Variants in RNGTT observed in about 807,000 individuals in gnomAD.
RNGTT encodes the protein RNA guanylyltransferase and 5'-phosphatase, also known as mRNA-capping enzyme.
In RNGTT, 33 loss-of-function variants were observed where a neutral mutation model predicts 79.3. The ratio of observed to expected loss-of-function variants is 0.42; its 90% confidence interval spans 0.32 to 0.56. The LOEUF (loss-of-function observed/expected upper bound fraction) is 0.56, where lower values mean the gene tolerates loss of function less well. RNGTT is among the 20% of genes least tolerant of loss of function. The pLI, the probability that RNGTT is intolerant of heterozygous loss-of-function variation, is 0.17. For missense variants in RNGTT, 497 were observed against 739.1 expected (o/e 0.67, Z 3.80); for synonymous variants, 222 against 235.9 (o/e 0.94, Z 0.54).
intron 1 of RNGTT, among the ~76,000 whole-genome samples, chr6:88,959,994 A>G (rs1254392463): frequency 6.6e-6 from 1 of 152,226 alleles, no homozygotes; most frequent in Admixed American, 6.5e-5. Flanking sequence ...TTTACTGAAG[A>G]TAATTCATGT....
chr6:88,824,329 A>T (rs1780586633), intron 11 of RNGTT, among the ~76,000 whole-genome samples: 1 of 152,220 alleles, frequency 6.6e-6, no homozygotes, highest in South Asian at 2.1e-4. Flanking sequence ...TACCGTAGGC[A>T]ACTCTAACAC....
rs201272969 is a variant in RNGTT at position 88,696,033 on chromosome 6, G to A, written c.1440-17614C>T. The stretch of plus-strand genomic sequence containing the variant: ...GAAACAGGGAGATGTTGATCAAAGC[G>A]TACAGTTTCAATTAGACAAGAAGAA... On this transcript the variant is annotated intron_variant, in intron 13 of 15. Coordinates refer to ENST00000369485, the MANE Select transcript of RNGTT (RefSeq NM_003800.5). Among the ~76,000 whole-genome samples the A allele has an allele frequency of 1.6e-4, 25 of 152,206 alleles. No individual in the cohort carries two copies. In the East Asian group the frequency reaches 3.9e-3, roughly 24 times the overall value.
chr6:88,643,908 C>A (rs1391747615), intron 14 of RNGTT, among the ~76,000 whole-genome samples: 1 of 152,104 alleles, frequency 6.6e-6, no homozygotes, highest in Non-Finnish European at 1.5e-5. Flanking sequence ...CAGGAAAGAT[C>A]TAAAATTGAC....
chr6:88,833,963 G>C (rs745550579), intron 11 of RNGTT, among the ~76,000 whole-genome samples: 160 of 152,332 alleles, frequency 1.1e-3, no homozygotes, highest in Non-Finnish European at 1.5e-3. Context: ...AGAAGTTGCA[G>C]TGAGCCGAGA....
At chr6:88,801,832 C>G (rs898793105) in intron 11 of RNGTT, among the ~76,000 whole-genome samples, 200 bp from the exon 12 acceptor site, 3 of 150,550 alleles carry the variant, frequency 2.0e-5, no homozygotes, top group Non-Finnish European at 3.0e-5. Context: ...GACACACACA[C>G]ACACACACAC....
At chr6:88,665,291 T>A (rs527898530) in intron 14 of RNGTT, among the ~76,000 whole-genome samples, 42 of 152,232 alleles carry the variant, frequency 2.8e-4, no homozygotes, top group African/African-American at 9.9e-4. Flanking sequence ...TCAGGGAAGT[T>A]AAGCCAGAGG....
intron 1 of RNGTT, among the ~76,000 whole-genome samples, chr6:88,942,174 T>A (rs1784871308): frequency 6.6e-6 from 1 of 152,170 alleles, no homozygotes; most frequent in East Asian, 1.9e-4. Flanking sequence ...GGCTTTATTC[T>A]ATATCTCAGG....
At chr6:88,657,382 G>A (rs1469067897) in intron 14 of RNGTT, among the ~76,000 whole-genome samples, 2 of 152,214 alleles carry the variant, frequency 1.3e-5, no homozygotes, top group African/African-American at 4.8e-5. Flanking sequence ...CTGGTCTCCA[G>A]CTTGAGCCCA....
At chr6:88,674,589 T>G (rs1180594077) in intron 14 of RNGTT, among the ~76,000 whole-genome samples, 1 of 151,996 alleles carries the variant, frequency 6.6e-6, no homozygotes, top group African/African-American at 2.4e-5. Context: ...ATCTTCAGTA[T>G]TAAGTATCTT....
intron 13 of RNGTT, among the ~76,000 whole-genome samples, chr6:88,720,396 T>C (rs1429169376): frequency 1.3e-5 from 2 of 152,086 alleles, no homozygotes; most frequent in African/African-American, 4.8e-5. Flanking sequence ...CCCTTTACCC[T>C]CACCTAAACA....
intron 10 of RNGTT, among the ~76,000 whole-genome samples, chr6:88,848,918 T>C (rs1406954808): frequency 6.6e-6 from 1 of 152,038 alleles, no homozygotes; most frequent in Non-Finnish European, 1.5e-5. Flanking sequence ...CTCTTCTATA[T>C]GGTGAAATTT....
chr6:88,780,534 G>C (rs1244797036), intron 12 of RNGTT, among the ~76,000 whole-genome samples: 1 of 151,992 alleles, frequency 6.6e-6, no homozygotes, highest in East Asian at 1.9e-4. Context: ...CAATTTACCA[G>C]CATGTATCTA....
intron 13 of RNGTT, among the ~76,000 whole-genome samples, chr6:88,718,470 G>A (rs1776598097): frequency 6.6e-6 from 1 of 151,588 alleles, no homozygotes; most frequent in Non-Finnish European, 1.5e-5. Flanking sequence ...GAAATGGAAG[G>A]AAAGATATGT....
intron 13 of RNGTT, among the ~76,000 whole-genome samples, chr6:88,761,753 T>C (rs549070084): frequency 2.0e-5 from 3 of 152,312 alleles, no homozygotes; most frequent in South Asian, 2.1e-4. Context: ...GTAGTTGAGA[T>C]ACATAGGCAA....
At chr6:88,687,501 T>G (rs1775320998) in intron 13 of RNGTT, among the ~76,000 whole-genome samples, 1 of 152,192 alleles carries the variant, frequency 6.6e-6, no homozygotes, top group South Asian at 2.1e-4. Flanking sequence ...CTGTTTGCAG[T>G]TGCAAAATGT....
chr6:88,639,477 A>G (rs1773226456), intron 14 of RNGTT, among the ~76,000 whole-genome samples: 1 of 152,150 alleles, frequency 6.6e-6, no homozygotes, highest in African/African-American at 2.4e-5. Context: ...AAAAAATAAG[A>G]TTTCACAGGC....
At position 88,841,057 on chromosome 6, in the gene RNGTT, A is replaced by G. The variant is rs537102577; in HGVS notation, c.1269+3300T>C. ...TTTACAATTTAGAAAATGTTCTCAT[A>G]AGAGAACACAGTTTCAGTTAATAGA... On this transcript the variant is annotated intron_variant, in intron 11 of 15. Coordinates refer to ENST00000369485, the MANE Select transcript of RNGTT (RefSeq NM_003800.5). 3.3e-5 allele frequency among the ~76,000 whole-genome samples: 5 copies of G among 152,296 alleles called. No homozygotes were observed. In the South Asian group the frequency reaches 1.0e-3, roughly 32 times the overall value.
At chr6:88,881,743 G>A (rs1782699820) in intron 8 of RNGTT, among the ~76,000 whole-genome samples, 1 of 152,156 alleles carries the variant, frequency 6.6e-6, no homozygotes, top group African/African-American at 2.4e-5. Flanking sequence ...TCCCTCAGGA[G>A]AGACATTTGT....
intron 14 of RNGTT, among the ~76,000 whole-genome samples, chr6:88,638,848 T>G (rs536748013): frequency 6.6e-6 from 1 of 152,226 alleles, no homozygotes; most frequent in South Asian, 2.1e-4. Context: ...TGCCACACAA[T>G]AACTGTTTTC....
Sources: gnomAD v4.1 joint callset for allele counts (sites outside exome capture counted in the v4.1 genomes callset) on GRCh38, gnomAD v4.1.1 for gene constraint, MANE v1.5 for transcripts, NCBI Gene and HGNC (gene_info 2026-07-23, HGNC 2026-07-21) for gene names.